Variants in MYO1F observed in about 807,000 individuals in gnomAD.
MYO1F encodes myosin IF, also known as unconventional myosin-If.
Under a neutral mutation model 146.6 loss-of-function variants are expected in MYO1F, and 60 were observed. The ratio of observed to expected loss-of-function variants is 0.41; its 90% CI spans 0.33 to 0.51. MYO1F has a LOEUF of 0.51. MYO1F is among the 20% of genes least tolerant of loss of function. The pLI, the probability that MYO1F is intolerant of heterozygous loss-of-function variation, is 0.25. For missense variants in MYO1F, 1,274 were observed against 1,534.3 expected, an observed-to-expected ratio of 0.83 and a Z score of 2.83; for synonymous variants, 602 against 602.1, an observed-to-expected ratio of 1.00 and a Z score of 0.00.
Position 8,530,688 on chromosome 19 carries a change from C to G in MYO1F, c.2044-115G>C. On this transcript the variant is annotated intron_variant, in intron 19 of 27. Coordinates refer to ENST00000644032, the MANE Select transcript of MYO1F (RefSeq NM_012335.4). This position sits in a 1 kb window ranked among gnomAD's most constrained non-coding sequence, Gnocchi z 5.8. ...ACGCTTTTGCTCACCCATCCCCACA[C>G]ATGTGCTAATTTTTTTAAGAGGCGG... 1.2e-6 allele frequency: 1 copy of G among 815,488 alleles called. No individual in the cohort carries two copies. Among genetic ancestry groups the G allele is most frequent in the Non-Finnish European group, 2.1e-6 (1 of 485,426 alleles). The allele number at this position is 815,488 out of a possible 1,614,324, so 50.5% of individuals were successfully genotyped here. A position where few individuals can be genotyped will look rare whatever the true frequency, so the allele number is the denominator to read the frequency against.
chr19:8,549,957 C>A, intron 10 of MYO1F: 1 of 652,856 alleles, frequency 1.5e-6, no homozygotes. Flanking sequence ...CACACCACTA[C>A]ACCCAACTAA....
At chr19:8,543,915 G>GTGC (rs1973176183) in intron 14 of MYO1F, among the ~76,000 whole-genome samples, 3 of 89,564 alleles carry the variant, frequency 3.3e-5, no homozygotes, top group Non-Finnish European at 6.0e-5. Flanking sequence ...GGTGGTGGTG[G>GTGC]TGGTGGTGGT....
At chr19:8,552,699 TC>T (rs35618231) in intron 6 of MYO1F, among the ~76,000 whole-genome samples, 3,609 of 151,824 alleles carry the variant, frequency 0.024, 167 homozygotes, top group African/African-American at 0.083. Context: ...TAGATTTTTT[TC>T]CCCCCCAGGC....
Position 8,521,185 on chromosome 19 carries a change from T to A in MYO1F, c.*343A>T. 2.6e-6 allele frequency: 1 copy of A among 384,706 alleles called. No homozygotes were observed. Among genetic ancestry groups the A allele is most frequent in the South Asian group, 2.4e-5 (1 of 42,186 alleles). 23.8% of individuals were successfully genotyped at this position (384,706 alleles called of 1,614,324 possible). ...GTCACGCTTGTTAAGGACCCCCCCCTCCCCAACTGTGCCTGGCACTTTGCC... is the reference window on the plus strand; with the variant it reads ...GTCACGCTTGTTAAGGACCCCCCCCACCCCAACTGTGCCTGGCACTTTGCC... On this transcript the variant is annotated 3_prime_UTR_variant, in exon 28 of 28. Transcript: ENST00000644032.
At chr19:8,531,137 C>T (rs766925514) in intron 19 of MYO1F, among the ~76,000 whole-genome samples, 5 of 151,872 alleles carry the variant, frequency 3.3e-5, no homozygotes, top group South Asian at 2.1e-4. Context: ...CGCCTGAGGT[C>T]GGGAGTTTGA....
At chr19:8,543,637 CGGTGGTGGTGGT>C in intron 14 of MYO1F, among the ~76,000 whole-genome samples, 1 of 136,286 alleles carries the variant, frequency 7.3e-6, no homozygotes, top group African/African-American at 2.9e-5. Flanking sequence ...CCAGGGAACA[CGGTGGTGGTGGT>C]GGTGCTGGTG....
chr19:8,524,112 C>CT (rs1972167689), intron 25 of MYO1F, among the ~76,000 whole-genome samples: 1 of 29,874 alleles, frequency 3.3e-5, no homozygotes, highest in Non-Finnish European at 6.9e-5. Flanking sequence ...GAGCAAGACA[C>CT]CGTCTCAAAA....
At chr19:8,544,015 TGGC>T in intron 14 of MYO1F, 1 of 429,708 alleles carries the variant, frequency 2.3e-6, no homozygotes, top group Non-Finnish European at 4.1e-6. Context: ...GCGGTGGCGG[TGGC>T]GGTGGCGGTG....
intron 1 of MYO1F, among the ~76,000 whole-genome samples, chr19:8,571,433 T>A (rs1188793533): frequency 8.6e-5 from 13 of 151,756 alleles, no homozygotes; most frequent in Admixed American, 3.3e-4. Context: ...TTTTTTTTTT[T>A]AGATGGAATC....
At chr19:8,566,865 A>G (rs1221656186) in intron 1 of MYO1F, among the ~76,000 whole-genome samples, 2 of 151,836 alleles carry the variant, frequency 1.3e-5, no homozygotes, top group East Asian at 1.9e-4. Flanking sequence ...AAACAGAGAT[A>G]GAGTCTCGCT....
At chr19:8,566,161 C>A (rs913295521) in intron 1 of MYO1F, among the ~76,000 whole-genome samples, 9 of 78,358 alleles carry the variant, frequency 1.1e-4, no homozygotes, top group Non-Finnish European at 1.6e-4. Context: ...CAGTCTATGT[C>A]TTTTTTTTTT....
intron 14 of MYO1F, chr19:8,544,012 C>CGGTGGT (rs1752627271): frequency 9.3e-6 from 2 of 214,090 alleles, no homozygotes; most frequent in East Asian, 6.9e-5. Flanking sequence ...GTGGCGGTGG[C>CGGTGGT]GGTGGCGGTG....
At chr19:8,536,173 C>CTG (rs1170359238) in intron 19 of MYO1F, 79 bp downstream of exon 19, 2 of 1,527,192 alleles carry the variant, frequency 1.3e-6, no homozygotes, top group African/African-American at 2.7e-5. Context: ...CTCTGTCTCT[C>CTG]TCTCTCTCTC....
At chr19:8,553,916 T>TCTCTCTCTCTCTCTCG (rs1555726922) in intron 4 of MYO1F, among the ~76,000 whole-genome samples, 16 of 141,556 alleles carry the variant, frequency 1.1e-4, no homozygotes, top group African/African-American at 3.8e-4. Flanking sequence ...TCTCTCTCTC[T>TCTCTCTCTCTCTCTCG]CTCTCTCGCT....
chr19:8,554,967 T>A (rs1973783484), intron 2 of MYO1F, among the ~76,000 whole-genome samples: 1 of 151,996 alleles, frequency 6.6e-6, no homozygotes, highest in South Asian at 2.1e-4. Context: ...GCGGATCACT[T>A]GAGGTCAGGA....
chr19:8,550,443 C>T, intron 9 of MYO1F, 87 bp from the exon 10 acceptor site: 1 of 1,591,426 alleles, frequency 6.3e-7, no homozygotes, highest in African/African-American at 1.3e-5. Context: ...CCCCATCTTG[C>T]CCAGTGACAC....
At chr19:8,532,167 GAAAGAA>G (rs1421915163) in intron 19 of MYO1F, among the ~76,000 whole-genome samples, 2 of 151,368 alleles carry the variant, frequency 1.3e-5, no homozygotes, top group Non-Finnish European at 2.9e-5. Context: ...AAAAAAAAAA[GAAAGAA>G]AAAGAAAATC....
At chr19:8,561,370 CTCCCT>C (rs1974097676) in intron 1 of MYO1F, among the ~76,000 whole-genome samples, 1 of 122,260 alleles carries the variant, frequency 8.2e-6, no homozygotes, top group African/African-American at 2.9e-5. Flanking sequence ...CCCTCCCTCC[CTCCCT>C]CCCTTCCCCC....
In MYO1F at chr19:8,521,108, G is replaced by A. The variant is rs1259470455; in HGVS notation, c.*420C>T. On this transcript the variant is annotated 3_prime_UTR_variant, in exon 28 of 28. Transcript: ENST00000644032. ...TGTTGGGCACTTAGTAAGTTAACTC[G>A]TGCTTTCACCTGGCAAAGGTTTATT... The A allele has an allele frequency of 5.9e-5, 18 of 305,398 alleles. No individual in the cohort carries two copies. Among genetic ancestry groups the A allele is most frequent in the Admixed American group, 3.1e-4 (7 of 22,490 alleles). The allele number at this position is 305,398 out of a possible 1,614,324, so 18.9% of individuals were successfully genotyped here.
Sources: gnomAD v4.1 joint callset for allele counts (sites outside exome capture counted in the v4.1 genomes callset) on GRCh38, gnomAD v4.1.1 for gene constraint, Gnocchi (gnomAD v3.1) non-coding constraint, MANE v1.5 for transcripts, NCBI Gene and HGNC (gene_info 2026-07-23, HGNC 2026-07-21) for gene names.